RREB1: variants seen among roughly 807,000 people sequenced by gnomAD.
RREB1 encodes the protein ras-responsive element-binding protein 1.
Under a neutral mutation model 117.8 loss-of-function variants are expected in RREB1, and 27 were observed. The ratio of observed to expected loss-of-function variants is 0.23; its 90% CI spans 0.17 to 0.32. The LOEUF is 0.32. RREB1 is among the 10% of genes least tolerant of loss of function. RREB1 has a pLI of 1.00. For synonymous variants in RREB1, 1,298 were observed against 1,026.7 expected (o/e 1.26, Z -5.05); for missense variants, 2,577 against 2,378.2 (o/e 1.08, Z -1.74).
intron 1 of RREB1, among the ~76,000 whole-genome samples, chr6:7,148,367 A>G (rs1189985692): frequency 6.6e-6 from 1 of 152,190 alleles, no homozygotes; most frequent in East Asian, 1.9e-4. Context: ...GGATGAGACA[A>G]GAATTCAAAC....
At chr6:7,244,219 C>T (rs1227864782) in intron 11 of RREB1, among the ~76,000 whole-genome samples, 1 of 151,114 alleles carries the variant, frequency 6.6e-6, no homozygotes, top group African/African-American at 2.4e-5. Context: ...GCTGAGACTG[C>T]ACCACTGCAC....
Position 7,229,838 on chromosome 6 carries a change from A to C in RREB1, c.1739A>C (p.Gln580Pro). 1 of 1,610,382 alleles carries C rather than the reference A, an allele frequency of 6.2e-7. No homozygotes were observed. The highest frequency in any genetic ancestry group is 1.7e-4 in the Middle Eastern group (1 of 6,048). ...QPHAATRLSL[Q>P]QPRAELPGQP... ...CACGCGGCCACGCGGCTCTCCCTGC[A>C]GCAGCCGCGGGCGGAGCTGCCGGGC... The change falls in exon 10 of 13, where the codon CAG becomes CCG. Residue 580 changes from glutamine (Q) to proline (P), a missense_variant. By Grantham distance (76) the Gln-to-Pro change is moderately conservative. Coordinates refer to ENST00000379938, the MANE Select transcript of RREB1 (RefSeq NM_001003699.4). This position sits in a 1 kb window ranked among gnomAD's most constrained non-coding sequence, Gnocchi z 4.5.
At chr6:7,247,971 G>A (rs1769196111) in intron 12 of RREB1, among the ~76,000 whole-genome samples, 1 of 152,186 alleles carries the variant, frequency 6.6e-6, no homozygotes, top group South Asian at 2.1e-4. Flanking sequence ...TCTGCCCTGC[G>A]CTTGCCCGTG....
chr6:7,108,827 AG>A (rs1230023046), intron 1 of RREB1: 1 of 150,718 alleles, frequency 6.6e-6, no homozygotes, highest in Non-Finnish European at 1.5e-5. Context: ...GCCGGCCGGG[AG>A]GGGGCCGCGG....
chr6:7,113,920 A>G (rs565412585), intron 1 of RREB1, among the ~76,000 whole-genome samples: 1 of 152,380 alleles, frequency 6.6e-6, no homozygotes, highest in Non-Finnish European at 1.5e-5. Context: ...CCAGAAAGTC[A>G]AAATCTATAA....
At chr6:7,161,068 C>T (rs949406131) in intron 1 of RREB1, among the ~76,000 whole-genome samples, 2 of 152,052 alleles carry the variant, frequency 1.3e-5, no homozygotes, top group Admixed American at 1.3e-4. Context: ...AGGGCCAAAC[C>T]GATCCTCTCG....
intron 11 of RREB1, among the ~76,000 whole-genome samples, chr6:7,241,613 G>A (rs1768710879): frequency 6.6e-6 from 1 of 152,202 alleles, no homozygotes; most frequent in East Asian, 1.9e-4. Flanking sequence ...TCAGGAGTCA[G>A]TGTGGAAGAG....
chr6:7,246,884 G>A lies in RREB1; in HGVS notation c.4434G>A (p.Glu1478=). The A allele has an allele frequency of 6.4e-7, 1 of 1,553,034 alleles. No homozygotes were observed. The highest frequency in any genetic ancestry group is 1.2e-5 in the South Asian group (1 of 84,352). The change falls in exon 12 of 13, where the codon GAG becomes GAA. Residue 1478 remains glutamate (E), a synonymous_variant. Coordinates refer to ENST00000379938, the MANE Select transcript of RREB1 (RefSeq NM_001003699.4). The part of the protein sequence containing the change: ...KAHGRQEPKD[E]KGDGASTAEE... ...ACGGCCGCCAGGAGCCCAAGGACGA[G>A]AAGGGAGATGGCGCCAGCACTGCAG...
intron 8 of RREB1, among the ~76,000 whole-genome samples, chr6:7,221,871 T>G (rs1371376491): frequency 6.6e-6 from 1 of 152,218 alleles, no homozygotes; most frequent in Non-Finnish European, 1.5e-5. Context: ...TTTTCCTGAT[T>G]TTTCACGTTA....
At position 7,229,503 on chromosome 6, in the gene RREB1, A is replaced by C. The variant is rs1241384017; in HGVS notation, c.1404A>C (p.Ala468=). Residue 468 remains alanine (A), a synonymous_variant, in exon 10 of 13, where the codon GCA becomes GCC. Coordinates refer to ENST00000379938, the MANE Select transcript of RREB1 (RefSeq NM_001003699.4). The surrounding 1 kb of genome is among the most constrained non-coding windows in gnomAD (Gnocchi z 4.5). ...CTGGCGAGTCGGCCATCGAGCTGGC[A>C]GACATCCAGCAAATTCTGAAGATGG... is the stretch of plus-strand genomic sequence containing the variant. The part of the protein sequence containing the change: ...PISGESAIEL[A]DIQQILKMAA... The C allele has an allele frequency of 3.1e-6, 5 of 1,614,046 alleles. No homozygotes were observed. The highest frequency in any genetic ancestry group is 3.4e-6 in the Non-Finnish European group (4 of 1,180,036).
At chr6:7,150,485 T>C (rs570913985) in intron 1 of RREB1, among the ~76,000 whole-genome samples, 19 of 152,232 alleles carry the variant, frequency 1.2e-4, no homozygotes, top group Non-Finnish European at 2.4e-4. Flanking sequence ...TAAACTATAG[T>C]TGTGCATATG....
chr6:7,154,945 G>A (rs1358087246), intron 1 of RREB1, among the ~76,000 whole-genome samples: 1 of 152,202 alleles, frequency 6.6e-6, no homozygotes, highest in African/African-American at 2.4e-5. Flanking sequence ...GGGGGTGCTG[G>A]TGACAGTGTT....
At chr6:7,155,288 G>C (rs1763308576) in intron 1 of RREB1, among the ~76,000 whole-genome samples, 1 of 152,166 alleles carries the variant, frequency 6.6e-6, no homozygotes, top group Non-Finnish European at 1.5e-5. Context: ...GTCTTTATGA[G>C]CTGGACTTCA....
intron 1 of RREB1, among the ~76,000 whole-genome samples, chr6:7,122,074 T>C (rs945797155): frequency 2.0e-5 from 3 of 152,206 alleles, no homozygotes; most frequent in Non-Finnish European, 2.9e-5. Flanking sequence ...GAAAGTCTTA[T>C]TGGGCTCCCA....
intron 1 of RREB1, among the ~76,000 whole-genome samples, chr6:7,163,615 C>T (rs1439628196): frequency 1.1e-4 from 17 of 152,016 alleles, no homozygotes; most frequent in Admixed American, 1.1e-3. Context: ...AGGATGGTCT[C>T]GATCTCCTGA....
intron 1 of RREB1, among the ~76,000 whole-genome samples, chr6:7,113,549 G>C (rs1467839882): frequency 6.6e-6 from 1 of 152,160 alleles, no homozygotes; most frequent in African/African-American, 2.4e-5. Context: ...TGGGTATGTT[G>C]ACCCATTTTA....
In RREB1 at chr6:7,229,595, C is replaced by T. The variant is rs1204423231; in HGVS notation, c.1496C>T (p.Ala499Val). Residue 499 changes from alanine to valine, a missense_variant, in exon 10 of 13, where the codon GCG (alanine) becomes GTG (valine). Transcript: ENST00000379938. This position sits in a 1 kb window ranked among gnomAD's most constrained non-coding sequence, Gnocchi z 4.5. ...AAGGCCCCTGCCGCCCCACTGCAGG[C>T]GATCTTCAAGCACATGCCCCCTCTG... ...FSKAPAAPLQ[A>V]IFKHMPPLKP... is the part of the protein sequence containing the mutation. 11 of 1,611,850 alleles carry T rather than the reference C, an allele frequency of 6.8e-6. No individual in the cohort carries two copies. Among genetic ancestry groups the T allele is most frequent in the African/African-American group, 1.3e-5 (1 of 74,898 alleles).
chr6:7,115,579 C>T (rs763668974), intron 1 of RREB1, among the ~76,000 whole-genome samples: 1 of 152,160 alleles, frequency 6.6e-6, no homozygotes, highest in Admixed American at 6.6e-5. Flanking sequence ...TGGTGTCAGT[C>T]GCACTGATGG....
chr6:7,195,119 G>C (rs1004064771), intron 6 of RREB1, among the ~76,000 whole-genome samples: 1 of 152,114 alleles, frequency 6.6e-6, no homozygotes, highest in Admixed American at 6.6e-5. Flanking sequence ...TATAATGCCA[G>C]AAAATAAATT....
Sources: allele counts gnomAD v4.1 joint callset (sites outside exome capture counted in the v4.1 genomes callset), GRCh38; gene constraint gnomAD v4.1.1; non-coding constraint Gnocchi (gnomAD v3.1); transcripts MANE v1.5; gene names NCBI Gene and HGNC (gene_info 2026-07-23, HGNC 2026-07-21).